The following COL19A1 variants were observed in gnomAD, a reference collection of about 807,000 sequenced individuals.
COL19A1 encodes collagen type XIX alpha 1 chain.
COL19A1 carries 159 observed loss-of-function variants against 190.2 expected under a neutral mutation model. That is an observed-to-expected ratio of 0.84 (90% confidence interval 0.73 to 0.95). The LOEUF (loss-of-function observed/expected upper bound fraction) is 0.95, where lower values mean the gene tolerates loss of function less well. Among genes scored for constraint, COL19A1 ranks in the 40% least tolerant of loss-of-function variants. The pLI, the probability that COL19A1 is intolerant of heterozygous loss-of-function variation, is 0.00. For missense variants in COL19A1, 1,418 were observed against 1,431.9 expected (o/e 0.99, Z 0.16); for synonymous variants, 509 against 458.9 (o/e 1.11, Z -1.39).
In COL19A1 at chr6:70,142,793, G is replaced by A; in HGVS notation, c.1599G>A (p.Met533Ile). The A allele has an allele frequency of 6.2e-7, 1 of 1,612,138 alleles. No homozygotes were observed. Among genetic ancestry groups the A allele is most frequent in the Non-Finnish European group, 8.5e-7 (1 of 1,178,940 alleles). ...LKGQQGSAGS[M>I]GPRGPPGDVG... The stretch of plus-strand genomic sequence containing the variant: ...GTCAGCAAGGATCTGCAGGCTCCAT[G>A]GGACCCAGAGGACCGCCAGGAGATG... The change falls in exon 23 of 51, where the codon ATG (methionine) becomes ATA (isoleucine). Residue 533 changes from methionine to isoleucine, a missense_variant. Transcript: ENST00000620364.
At chr6:70,049,490 C>T (rs1780081471) in intron 14 of COL19A1, among the ~76,000 whole-genome samples, 1 of 151,984 alleles carries the variant, frequency 6.6e-6, no homozygotes, top group African/African-American at 2.4e-5. Context: ...GAAAAACTTA[C>T]AGTTGGCTCG....
At chr6:69,970,525 T>C (rs1310761971) in intron 11 of COL19A1, among the ~76,000 whole-genome samples, 3 of 152,206 alleles carry the variant, frequency 2.0e-5, no homozygotes, top group East Asian at 3.8e-4. Flanking sequence ...CAAGTCAAAG[T>C]TGAAATTTTT....
intron 17 of COL19A1, among the ~76,000 whole-genome samples, chr6:70,126,095 T>C (rs1785176464): frequency 6.6e-6 from 1 of 152,134 alleles, no homozygotes; most frequent in South Asian, 2.1e-4. Context: ...CTGTTGGAGA[T>C]TTATGCTGTG....
At position 70,199,891 on chromosome 6, in the gene COL19A1, A is replaced by G. The variant is rs779134095; in HGVS notation, c.3223+155A>G. ...AATATATAAAATGGTTTCATATGTA[A>G]TCTCTTTATAATATTTGACATTCTA... On this transcript the variant is annotated intron_variant, in intron 49 of 50. Coordinates refer to ENST00000620364, the MANE Select transcript of COL19A1 (RefSeq NM_001858.6). 1.3e-5 allele frequency: 9 copies of G among 691,856 alleles called. No individual in the cohort carries two copies. The African/African-American group carries it at 1.5e-4, about 11-fold the overall frequency. 42.9% of individuals were successfully genotyped at this position (691,856 alleles called of 1,614,324 possible). A position where few individuals can be genotyped will look rare whatever the true frequency, so the allele number is the denominator to read the frequency against.
chr6:69,868,945 A>C (rs1767651539), intron 1 of COL19A1, among the ~76,000 whole-genome samples: 1 of 152,228 alleles, frequency 6.6e-6, no homozygotes, highest in Non-Finnish European at 1.5e-5. Flanking sequence ...AGGCATCACA[A>C]ATGAAAATTC....
At chr6:70,128,035 T>C (rs919798217) in intron 17 of COL19A1, among the ~76,000 whole-genome samples, 6 of 152,218 alleles carry the variant, frequency 3.9e-5, no homozygotes, top group African/African-American at 1.2e-4. Flanking sequence ...TGATTCTTTT[T>C]CTCCCATTTC....
intron 11 of COL19A1, among the ~76,000 whole-genome samples, chr6:70,016,116 A>G (rs1469863672): frequency 1.8e-4 from 2 of 10,856 alleles, no homozygotes; most frequent in African/African-American, 1.6e-3. Context: ...TATCGCAAGA[A>G]CAAAAAACCA....
intron 15 of COL19A1, among the ~76,000 whole-genome samples, chr6:70,090,622 A>G (rs1021501700): frequency 3.3e-5 from 5 of 152,180 alleles, no homozygotes; most frequent in African/African-American, 1.2e-4. Flanking sequence ...TAAAACAGAT[A>G]ACCTAAAATT....
chr6:70,138,199 T>C (rs1037568645), intron 19 of COL19A1, among the ~76,000 whole-genome samples: 10 of 152,168 alleles, frequency 6.6e-5, no homozygotes, highest in Non-Finnish European at 1.2e-4. Flanking sequence ...TGGAAACACA[T>C]CTTTCTGCTC....
At chr6:70,062,735 TATCTC>T (rs1780915158) in intron 14 of COL19A1, among the ~76,000 whole-genome samples, 1 of 152,080 alleles carries the variant, frequency 6.6e-6, no homozygotes, top group African/African-American at 2.4e-5. Context: ...TCAGGAAACC[TATCTC>T]ATCTGCAGAG....
intron 14 of COL19A1, among the ~76,000 whole-genome samples, chr6:70,045,842 G>C (rs1183230377): frequency 6.6e-6 from 1 of 152,140 alleles, no homozygotes; most frequent in Non-Finnish European, 1.5e-5. Context: ...CCATGACCCA[G>C]ACTTGAGCCT....
chr6:69,981,068 A>G (rs1010878204), intron 11 of COL19A1, among the ~76,000 whole-genome samples: 2 of 152,238 alleles, frequency 1.3e-5, no homozygotes, highest in South Asian at 2.1e-4. Context: ...GCTTTAATAC[A>G]ACTCCTAACA....
chr6:70,167,352 A>C (rs560236038), intron 37 of COL19A1, among the ~76,000 whole-genome samples: 91 of 152,318 alleles, frequency 6.0e-4, no homozygotes, highest in African/African-American at 2.1e-3. Flanking sequence ...ATTCTAACTA[A>C]AATTTTTATA....
intron 4 of COL19A1, among the ~76,000 whole-genome samples, chr6:69,906,110 T>TA (rs773881685): frequency 7.9e-5 from 12 of 152,202 alleles, no homozygotes; most frequent in Non-Finnish European, 1.3e-4. Flanking sequence ...CAAACACACA[T>TA]ACTATAGAGT....
chr6:70,101,479 G>T (rs1344474063), intron 15 of COL19A1, among the ~76,000 whole-genome samples: 1 of 152,050 alleles, frequency 6.6e-6, no homozygotes, highest in African/African-American at 2.4e-5. Flanking sequence ...TTAATATTTG[G>T]TTGTAATCAT....
At chr6:70,031,340 A>G (rs1411097135) in intron 12 of COL19A1, among the ~76,000 whole-genome samples, 1 of 152,102 alleles carries the variant, frequency 6.6e-6, no homozygotes, top group Non-Finnish European at 1.5e-5. Context: ...CCATTTTCCA[A>G]GTGCAATACA....
rs567255269 is a variant in COL19A1, at chr6:70,135,082, C to T, written c.1384-2603C>T. On this transcript the variant is annotated intron_variant, in intron 18 of 50. Coordinates refer to ENST00000620364, the MANE Select transcript of COL19A1 (RefSeq NM_001858.6). ...CAGAACTCAGGGAGATATTTACTTA[C>T]GCTCACCAGTTTATTATAAAGGATG... 2.8e-4 allele frequency among the ~76,000 whole-genome samples: 42 copies of T among 152,266 alleles called. 1 individual carries two copies. Among genetic ancestry groups the T allele is most frequent in the Admixed American group, 6.5e-4 (10 of 15,292 alleles).
chr6:70,020,565 T>C (rs1432436341), intron 11 of COL19A1, among the ~76,000 whole-genome samples: 1 of 152,198 alleles, frequency 6.6e-6, no homozygotes, highest in Non-Finnish European at 1.5e-5. Context: ...TTTGATATGT[T>C]GTAGGATTTT....
At chr6:70,191,630 C>A (rs1766880147) in intron 48 of COL19A1, among the ~76,000 whole-genome samples, 1 of 152,214 alleles carries the variant, frequency 6.6e-6, no homozygotes, top group Non-Finnish European at 1.5e-5. Flanking sequence ...TCCTAAAACT[C>A]ACCCTACATT....
Sources: allele counts gnomAD v4.1 joint callset (sites outside exome capture counted in the v4.1 genomes callset), GRCh38; gene constraint gnomAD v4.1.1; transcripts MANE v1.5; gene names NCBI Gene and HGNC (gene_info 2026-07-23, HGNC 2026-07-21).